Variants in TMC3 observed in about 807,000 individuals in gnomAD.
TMC3 encodes transmembrane channel like 3.
TMC3 carries 98 observed loss-of-function variants against 110.6 expected under a neutral mutation model. The ratio of observed to expected loss-of-function variants is 0.89; its 90% confidence interval spans 0.75 to 1.05. The LOEUF is 1.05. Among genes scored for constraint, TMC3 ranks in the 50% least tolerant of loss-of-function variants. The probability of loss-of-function intolerance (pLI) is 0.00; values close to 1 mark genes in which losing one functional copy is unlikely to be tolerated. For missense variants in TMC3, 1,319 were observed against 1,373.2 expected, an observed-to-expected ratio of 0.96 and a Z score of 0.62; for synonymous variants, 489 against 513.1, an observed-to-expected ratio of 0.95 and a Z score of 0.63.
chr15:81,344,765 C>T lies in TMC3; in HGVS notation c.1518+1G>A. ...AGCTTTGTAAGGGTAAAGAGAACCACCTGACCAACGTATGTCTCCCAGCAC... is the reference window on the plus strand; with the variant it reads ...AGCTTTGTAAGGGTAAAGAGAACCATCTGACCAACGTATGTCTCCCAGCAC... On this transcript the variant is annotated splice_donor_variant, in intron 13 of 21. Transcript: ENST00000359440. LOFTEE classifies it high-confidence loss of function. The T allele has an allele frequency of 6.2e-7, 1 of 1,613,530 alleles. No homozygotes were observed. Among genetic ancestry groups the T allele is most frequent in the Non-Finnish European group, 8.5e-7 (1 of 1,179,834 alleles).
chr15:81,369,495 A>G (rs775414679), intron 2 of TMC3, among the ~76,000 whole-genome samples: 2 of 152,196 alleles, frequency 1.3e-5, no homozygotes, highest in Non-Finnish European at 2.9e-5. Flanking sequence ...CAAGTTTTTA[A>G]AAAGTAAAAG....
In TMC3 at chr15:81,341,531, G is replaced by C. The variant is rs763024295; in HGVS notation, c.1716-13C>G. ...GAAGGCCCCCATCCTGGAACCATGAGGAAGGTCAGTTTGCATCTGTTCTCT... is the reference window on the plus strand; with the variant it reads ...GAAGGCCCCCATCCTGGAACCATGACGAAGGTCAGTTTGCATCTGTTCTCT... On this transcript the variant is annotated splice_polypyrimidine_tract_variant and intron_variant, in intron 15 of 21. Coordinates refer to ENST00000359440, the MANE Select transcript of TMC3 (RefSeq NM_001080532.3). 8 of 1,606,630 alleles carry C rather than the reference G, an allele frequency of 5.0e-6. No homozygotes were observed. The Admixed American group carries it at 1.2e-4, about 24-fold the overall frequency.
At chr15:81,364,310 T>C (rs1286339603) in intron 3 of TMC3, among the ~76,000 whole-genome samples, 2 of 151,902 alleles carry the variant, frequency 1.3e-5, no homozygotes, top group Non-Finnish European at 2.9e-5. Flanking sequence ...TAAAGGAAAA[T>C]GTGATTGAAA....
Position 81,374,087 on chromosome 15 carries a change from C to T in TMC3, c.-10G>A, listed in dbSNP as rs766095162. On this transcript the variant is annotated 5_prime_UTR_variant, in exon 1 of 22. Coordinates refer to ENST00000359440, the MANE Select transcript of TMC3 (RefSeq NM_001080532.3). ...CCTTCGAGGTTTTCATGGGAGCTAA[C>T]CCACTGCTAACAATCAGAAGCTGGC... The T allele has an allele frequency of 6.2e-7, 1 of 1,612,862 alleles. No homozygotes were observed. The highest frequency in any genetic ancestry group is 8.5e-7 in the Non-Finnish European group (1 of 1,179,278).
At chr15:81,372,066 A>T (rs911914122) in intron 2 of TMC3, among the ~76,000 whole-genome samples, 1 of 152,164 alleles carries the variant, frequency 6.6e-6, no homozygotes, top group Non-Finnish European at 1.5e-5. Context: ...CAGACTATTT[A>T]ATATGACTCT....
At position 81,334,875 on chromosome 15, in the gene TMC3, G is replaced by T. The variant is rs536395500; in HGVS notation, c.2304C>A (p.Asn768Lys). The T allele has an allele frequency of 9.9e-6, 16 of 1,614,032 alleles. 1 individual carries two copies. In the South Asian group the frequency reaches 1.8e-4, roughly 18 times the overall value. The part of the protein sequence containing the change: ...SSAHSGTPQN[N>K]GNVAHFDSGS... ...CTGAGTCAAAATGGGCCACGTTGCC[G>T]TTGTTTTGGGGTGTGCCCGAGTGCG... The change falls in exon 21 of 22, where the codon AAC (asparagine) becomes AAA (lysine). Residue 768 changes from asparagine (N) to lysine (K), a missense_variant. Physicochemically the swap from Asn to Lys is moderately conservative, Grantham distance 94. Transcript: ENST00000359440.
intron 17 of TMC3, 82 bp downstream of exon 17, chr15:81,339,312 C>T: frequency 9.4e-7 from 1 of 1,068,874 alleles, no homozygotes; most frequent in South Asian, 1.4e-5. Flanking sequence ...GCTCTGTGAG[C>T]TTGGAGGAGA....
intron 6 of TMC3, 51 bp from the exon 7 acceptor site, chr15:81,358,342 G>T: frequency 1.9e-6 from 3 of 1,601,380 alleles, no homozygotes; most frequent in Non-Finnish European, 2.6e-6. Flanking sequence ...CCAGGTCTCA[G>T]AACTGTGGCC....
intron 2 of TMC3, among the ~76,000 whole-genome samples, chr15:81,370,379 T>C (rs1894407610): frequency 6.6e-6 from 1 of 152,122 alleles, no homozygotes; most frequent in African/African-American, 2.4e-5. Context: ...AGAGGAGATA[T>C]GCGTGGCAAG....
At chr15:81,342,217 C>G (rs1893730049) in intron 15 of TMC3, among the ~76,000 whole-genome samples, 1 of 152,166 alleles carries the variant, frequency 6.6e-6, no homozygotes, top group South Asian at 2.1e-4. Flanking sequence ...AAGTCTAAAT[C>G]AGTTTATATT....
In TMC3 at chr15:81,334,930, TCGTTTGGAAG is replaced by T; in HGVS notation, c.2239_2248del (p.Leu747ThrfsTer35). 6.2e-7 allele frequency: 1 copy of T among 1,613,998 alleles called. No individual in the cohort carries two copies. The highest frequency in any genetic ancestry group is 8.5e-7 in the Non-Finnish European group (1 of 1,179,886). ...GGACAGCTGGCTGGTAAGATCACTG[TCGTTTGGAAG>T]CTTCTTGGTGCTTTCTTCCTGGGTC... On this transcript the variant is annotated frameshift_variant, in exon 21 of 22. Transcript: ENST00000359440. LOFTEE classifies it high-confidence loss of function.
At chr15:81,371,950 T>C (rs1401584689) in intron 2 of TMC3, among the ~76,000 whole-genome samples, 5 of 152,124 alleles carry the variant, frequency 3.3e-5, no homozygotes, top group Non-Finnish European at 5.9e-5. Flanking sequence ...AAAGAACTGG[T>C]ATTCAGAGAA....
intron 15 of TMC3, 52 bp downstream of exon 15, chr15:81,343,226 T>C: frequency 8.6e-7 from 1 of 1,167,088 alleles, no homozygotes; most frequent in Non-Finnish European, 1.3e-6. Context: ...TAAATTAAAA[T>C]CTTAGCCCAG....
Position 81,344,965 on chromosome 15 carries a change from G to T in TMC3, c.1319C>A (p.Thr440Asn), listed in dbSNP as rs1285194179. ...AGGGGCTGTCCTGGTTGCAAAGAAG[G>T]TGGTGGAATCTATCCAATGACTTGT... ...NNTSHWIDST[T>N]FFATRTAPEE... The change falls in exon 13 of 22, where the codon ACC (threonine) becomes AAC (asparagine). Residue 440 changes from threonine (T) to asparagine (N), a missense_variant. Thr to Asn is a moderately conservative substitution (Grantham distance 65, BLOSUM62 0). Coordinates refer to ENST00000359440, the MANE Select transcript of TMC3 (RefSeq NM_001080532.3). The T allele has an allele frequency of 1.2e-6, 2 of 1,606,152 alleles. No homozygotes were observed. The highest frequency in any genetic ancestry group is 1.7e-6 in the Non-Finnish European group (2 of 1,176,220).
At chr15:81,346,536 T>C (rs2141702532) in intron 11 of TMC3, 93 bp from the exon 12 acceptor site, 1 of 1,264,722 alleles carries the variant, frequency 7.9e-7, no homozygotes, top group East Asian at 2.5e-5. Context: ...CTGTCATGGA[T>C]ATATTAAGGC....
chr15:81,370,329 A>G (rs990791616), intron 2 of TMC3, among the ~76,000 whole-genome samples: 1 of 152,202 alleles, frequency 6.6e-6, no homozygotes, highest in East Asian at 1.9e-4. Flanking sequence ...AGCAAGTCCA[A>G]TGAGGGAAGT....
chr15:81,349,215 A>T (rs1465272087), intron 11 of TMC3, among the ~76,000 whole-genome samples: 1 of 148,658 alleles, frequency 6.7e-6, no homozygotes, highest in Non-Finnish European at 1.5e-5. Context: ...CCTCTTCTTC[A>T]TTTCTTTTCT....
At position 81,352,193 on chromosome 15, in the gene TMC3, G is replaced by C. The variant is rs563340506; in HGVS notation, c.936-352C>G. Among the ~76,000 whole-genome samples, 7 of 152,190 alleles carry C rather than the reference G, an allele frequency of 4.6e-5. No homozygotes were observed. The East Asian group carries it at 1.2e-3, about 25-fold the overall frequency. ...GCACATTAAAGATATAGGAATTCAA[G>C]TAAATGTGTTCAGCAGAGGGAGGGA... On this transcript the variant is annotated intron_variant, in intron 9 of 21. Coordinates refer to ENST00000359440, the MANE Select transcript of TMC3 (RefSeq NM_001080532.3).
chr15:81,370,644 C>T (rs372285306), intron 2 of TMC3, among the ~76,000 whole-genome samples: 4 of 151,456 alleles, frequency 2.6e-5, no homozygotes, highest in African/African-American at 4.9e-5. Context: ...ATCATCATTT[C>T]GGGATGATTT....
Sources: allele counts gnomAD v4.1 joint callset (sites outside exome capture counted in the v4.1 genomes callset), GRCh38; gene constraint gnomAD v4.1.1; transcripts MANE v1.5; gene names NCBI Gene and HGNC (gene_info 2026-07-23, HGNC 2026-07-21).